The following DOP1A variants were observed in gnomAD, a reference collection of about 807,000 sequenced individuals.
DOP1A encodes DOP1 leucine zipper like protein A, also known as protein DOP1A.
A neutral mutation model predicts 267.6 loss-of-function variants in DOP1A; 90 were observed. The ratio of observed to expected loss-of-function variants is 0.34; its 90% CI spans 0.28 to 0.40. The LOEUF is 0.40. Ranked by LOEUF, DOP1A falls within the 10% of genes least tolerant of loss-of-function variation. DOP1A has a pLI of 1.00. For missense variants in DOP1A, 2,437 were observed against 2,900.4 expected (o/e 0.84, Z 3.67); for synonymous variants, 932 against 999.1 (o/e 0.93, Z 1.27).
intron 20 of DOP1A, 119 bp downstream of exon 20, chr6:83,135,997 C>A: frequency 8.4e-7 from 1 of 1,196,346 alleles, no homozygotes; most frequent in Non-Finnish European, 1.2e-6. Flanking sequence ...GGCTTATTTT[C>A]TCCCCTCCTC....
At chr6:83,075,320 T>A (rs183859103) in intron 1 of DOP1A, among the ~76,000 whole-genome samples, 2 of 152,300 alleles carry the variant, frequency 1.3e-5, no homozygotes, top group Non-Finnish European at 2.9e-5. Flanking sequence ...ATGAGGTCTC[T>A]CTGTTATAGC....
intron 12 of DOP1A, 114 bp from the exon 13 acceptor site, chr6:83,124,591 A>G: frequency 2.5e-6 from 2 of 799,090 alleles, no homozygotes; most frequent in Non-Finnish European, 4.2e-6. Context: ...TCACAAAAAC[A>G]TTACTGTGTG....
intron 1 of DOP1A, among the ~76,000 whole-genome samples, chr6:83,092,871 G>A (rs563328404): frequency 8.5e-5 from 13 of 152,154 alleles, no homozygotes; most frequent in Non-Finnish European, 1.3e-4. Flanking sequence ...TTTGTTCTGC[G>A]AGAGATTTTG....
intron 1 of DOP1A, among the ~76,000 whole-genome samples, chr6:83,077,667 C>G (rs1767334773): frequency 6.6e-6 from 1 of 151,972 alleles, no homozygotes; most frequent in South Asian, 2.1e-4. Context: ...TAGAATGAGA[C>G]CTTGTCTCAA....
At position 83,152,365 on chromosome 6, in the gene DOP1A, G is replaced by A; in HGVS notation, c.6127G>A (p.Glu2043Lys). 6.8e-7 allele frequency: 1 copy of A among 1,476,972 alleles called. No individual in the cohort carries two copies. The highest frequency in any genetic ancestry group is 9.0e-7 in the Non-Finnish European group (1 of 1,105,632). 91.5% of individuals were successfully genotyped at this position (1,476,972 alleles called of 1,614,324 possible). A position where few individuals can be genotyped will look rare whatever the true frequency, so the allele number is the denominator to read the frequency against. The change falls in exon 30 of 39, where the codon GAG becomes AAG. Residue 2043 changes from glutamate to lysine, a missense_variant and splice_region_variant. By Grantham distance (56) the Glu-to-Lys change is moderately conservative. Around this residue, in one of 9 missense-constraint regions of DOP1A, gnomAD observed 216 missense variants for 283.3 expected, o/e 0.76. Transcript: ENST00000349129. ...YSVHALTLLS[E>K]VLAHLLDMVF... ...TGTCCATGCATTGACATTACTCTCT[G>A]AGGTAAATATTAAGCTTTTTCACAT...
In DOP1A at chr6:83,140,292, C is replaced by T. The variant is rs1303735712; in HGVS notation, c.5304C>T (p.Ile1768=). 1 of 1,613,562 alleles carries T rather than the reference C, an allele frequency of 6.2e-7. No homozygotes were observed. Among genetic ancestry groups the T allele is most frequent in the Non-Finnish European group, 8.5e-7 (1 of 1,179,906 alleles). ...RSGILSILHM[I]MSSVTLLWSI... ...GAATCCTCTCAATCCTTCATATGATCATGTCCTCTGTGACACTGCTTTGGA... is the reference window on the plus strand; with the variant it reads ...GAATCCTCTCAATCCTTCATATGATTATGTCCTCTGTGACACTGCTTTGGA... Residue 1768 remains isoleucine (I), a synonymous_variant, in exon 23 of 39, where the codon ATC becomes ATT. Coordinates refer to ENST00000349129, the MANE Select transcript of DOP1A (RefSeq NM_015018.4).
intron 1 of DOP1A, among the ~76,000 whole-genome samples, chr6:83,093,662 C>T (rs926445657): frequency 2.6e-5 from 4 of 152,190 alleles, no homozygotes; most frequent in African/African-American, 7.2e-5. Context: ...AATGCCAGCA[C>T]TTTGGGAGGC....
At position 83,122,176 on chromosome 6, in the gene DOP1A, A is replaced by C; in HGVS notation, c.1220+126A>C. 6.7e-6 allele frequency: 7 copies of C among 1,038,276 alleles called. No homozygotes were observed. The South Asian group carries it at 1.2e-4, about 18-fold the overall frequency. The allele number at this position is 1,038,276 out of a possible 1,614,324, so 64.3% of individuals were successfully genotyped here. A position where few individuals can be genotyped will look rare whatever the true frequency, so the allele number is the denominator to read the frequency against. On this transcript the variant is annotated intron_variant, in intron 11 of 38. Coordinates refer to ENST00000349129, the MANE Select transcript of DOP1A (RefSeq NM_015018.4). ...GTGTTCTAATAAGTAAAGCTGATTT[A>C]ATACTAGTAAAGCTGATTTAATACT...
chr6:83,112,163 TCA>T (rs1774662184), intron 6 of DOP1A, among the ~76,000 whole-genome samples: 1 of 152,042 alleles, frequency 6.6e-6, no homozygotes, highest in Non-Finnish European at 1.5e-5. Flanking sequence ...TTCCAAAATA[TCA>T]CAGTCAAAGG....
At chr6:83,104,299 G>T (rs1425492250) in intron 4 of DOP1A, among the ~76,000 whole-genome samples, 1 of 151,918 alleles carries the variant, frequency 6.6e-6, no homozygotes, top group Non-Finnish European at 1.5e-5. Flanking sequence ...TATTGACTAG[G>T]GTCTATAGTA....
At position 83,129,052 on chromosome 6, in the gene DOP1A, A is replaced by G; in HGVS notation, c.1885A>G (p.Ile629Val). ...ELSEGQGAAA[I>V]PIGSTSSETE... ...GAGTGAGGGCCAGGGGGCAGCTGCCATCCCAATTGGTAGCACATCCTCTGA... is the reference window on the plus strand; with the variant it reads ...GAGTGAGGGCCAGGGGGCAGCTGCCGTCCCAATTGGTAGCACATCCTCTGA... Residue 629 changes from isoleucine (I) to valine (V), a missense_variant, in exon 16 of 39, where the codon ATC becomes GTC. Ile to Val is a conservative substitution (Grantham distance 29). Transcript: ENST00000349129. 6.2e-7 allele frequency: 1 copy of G among 1,614,042 alleles called. No individual in the cohort carries two copies. Among genetic ancestry groups the G allele is most frequent in the Non-Finnish European group, 8.5e-7 (1 of 1,179,950 alleles).
Position 83,124,711 on chromosome 6 carries a change from A to T in DOP1A, c.1347A>T (p.Thr449=), listed in dbSNP as rs765376058. The T allele has an allele frequency of 6.2e-7, 1 of 1,611,794 alleles. No individual in the cohort carries two copies. ...GTGAATTTTGTCCTTTTAGGAGGACACTGCATGTGAGACTTCAGATTGGAC... is the reference window on the plus strand; with the variant it reads ...GTGAATTTTGTCCTTTTAGGAGGACTCTGCATGTGAGACTTCAGATTGGAC... The part of the protein sequence containing the change: ...ARWFEECCRR[T]LHVRLQIGPG... The change falls in exon 13 of 39, where the codon ACA becomes ACT. Residue 449 remains threonine, a synonymous_variant. Coordinates refer to ENST00000349129, the MANE Select transcript of DOP1A (RefSeq NM_015018.4).
intron 24 of DOP1A, among the ~76,000 whole-genome samples, chr6:83,144,511 G>A (rs534874658): frequency 6.6e-6 from 1 of 152,092 alleles, no homozygotes; most frequent in South Asian, 2.1e-4. Flanking sequence ...TTAGCTCTAG[G>A]AAAAACAAAA....
intron 1 of DOP1A, among the ~76,000 whole-genome samples, chr6:83,072,019 C>T (rs1270667856): frequency 2.6e-5 from 4 of 152,116 alleles, no homozygotes; most frequent in Non-Finnish European, 5.9e-5. Flanking sequence ...TTTTTTCTCT[C>T]ATCACTTAAG....
At chr6:83,153,807 C>G in intron 31 of DOP1A, 87 bp from the exon 32 acceptor site, 2 of 1,374,190 alleles carry the variant, frequency 1.5e-6, no homozygotes, top group South Asian at 2.9e-5. Flanking sequence ...ATGTCACTGT[C>G]TTAGGTAAAT....
intron 19 of DOP1A, chr6:83,134,514 C>T (rs1024393490): frequency 1.0e-4 from 43 of 416,100 alleles, no homozygotes; most frequent in Non-Finnish European, 5.5e-5. Flanking sequence ...ACTTCCCTTC[C>T]TTGGACAACT....
chr6:83,099,954 C>T (rs1238079580), intron 3 of DOP1A, among the ~76,000 whole-genome samples: 1 of 152,036 alleles, frequency 6.6e-6, no homozygotes, highest in Non-Finnish European at 1.5e-5. Flanking sequence ...TGAGTCTTCA[C>T]TTTGTGACAT....
chr6:83,157,851 C>T (rs1211240329), intron 35 of DOP1A, among the ~76,000 whole-genome samples: 5 of 152,144 alleles, frequency 3.3e-5, no homozygotes, highest in Non-Finnish European at 7.4e-5. Flanking sequence ...CTCCTCAAAC[C>T]GTACACAGTC....
Position 83,138,963 on chromosome 6 carries a change from C to T in DOP1A, c.4921C>T (p.Leu1641Phe). The change falls in exon 21 of 39, where the codon CTC becomes TTC. Residue 1641 changes from leucine (L) to phenylalanine (F), a missense_variant. Leu to Phe is a conservative substitution (Grantham distance 22). This residue lies in a region of DOP1A where 307 missense variants were observed against 308.6 expected (regional missense o/e 0.99). Coordinates refer to ENST00000349129, the MANE Select transcript of DOP1A (RefSeq NM_015018.4). ...GCCAATCACATGTCAAGGCATGTTC[C>T]TCTGTGCAGTGATACGAGCTTTGCA... ...AQPITCQGMFLCAVIRALHQH... is the reference protein window; with the variant it reads ...AQPITCQGMFFCAVIRALHQH... The T allele has an allele frequency of 1.2e-6, 2 of 1,614,096 alleles. No individual in the cohort carries two copies. The highest frequency in any genetic ancestry group is 1.7e-6 in the Non-Finnish European group (2 of 1,179,976).
Sources: gnomAD v4.1 joint callset for allele counts (sites outside exome capture counted in the v4.1 genomes callset) on GRCh38, gnomAD v4.1.1 for gene constraint, gnomAD v4.1.1 regional missense constraint, MANE v1.5 for transcripts, NCBI Gene and HGNC (gene_info 2026-07-23, HGNC 2026-07-21) for gene names.